Variants in MINDY4B observed in about 807,000 individuals in gnomAD.
MINDY4B encodes the protein inactive ubiquitin carboxyl-terminal hydrolase MINDY-4B.
A neutral mutation model predicts 16.7 loss-of-function variants in MINDY4B; 25 were observed. That is an observed-to-expected ratio of 1.49 (90% CI 1.09 to 2.09). The LOEUF is 2.09. MINDY4B is among the 30% of genes most tolerant of loss of function. The pLI is 0.00. For missense variants in MINDY4B, 327 were observed against 168.4 expected, an observed-to-expected ratio of 1.94 and a Z score of -5.21; for synonymous variants, 132 against 61.9, an observed-to-expected ratio of 2.13 and a Z score of -5.32.
At chr3:150,899,768 G>A (rs1196194030) in intron 3 of MINDY4B, among the ~76,000 whole-genome samples, 3 of 152,142 alleles carry the variant, frequency 2.0e-5, no homozygotes, top group African/African-American at 7.2e-5. Flanking sequence ...AGTCTGAGGT[G>A]CGCTAGAGGA....
Position 150,883,060 on chromosome 3 carries a change from T to A in MINDY4B, c.898-2A>T, listed in dbSNP as rs1711547353. On this transcript the variant is annotated splice_acceptor_variant, in intron 9 of 11. Transcript: ENST00000465419. LOFTEE classifies it high-confidence loss of function. Reference sequence around the variant, plus strand: ...AGTTAAAATCATGTTCAGAACTGCCTAGAGAGCATATTTTACAGATACTTA... The same window carrying A: ...AGTTAAAATCATGTTCAGAACTGCCAAGAGAGCATATTTTACAGATACTTA... 1.4e-6 allele frequency: 1 copy of A among 693,704 alleles called. No homozygotes were observed. The highest frequency in any genetic ancestry group is 1.8e-5 in the African/African-American group (1 of 56,850). 43.0% of individuals were successfully genotyped at this position (693,704 alleles called of 1,614,324 possible). A position where few individuals can be genotyped will look rare whatever the true frequency, so the allele number is the denominator to read the frequency against.
intron 7 of MINDY4B, among the ~76,000 whole-genome samples, chr3:150,886,940 A>G (rs568266889): frequency 1.5e-4 from 23 of 152,308 alleles, no homozygotes; most frequent in South Asian, 1.5e-3. Context: ...GATAAGTTCC[A>G]TTATCCAGTG....
At position 150,883,064 on chromosome 3, in the gene MINDY4B, G is replaced by C; in HGVS notation, c.898-6C>G. On this transcript the variant is annotated splice_polypyrimidine_tract_variant and splice_region_variant and intron_variant, in intron 9 of 11. Coordinates refer to ENST00000465419, the MANE Select transcript of MINDY4B (RefSeq NM_001351281.2). ...AAAATCATGTTCAGAACTGCCTAGA[G>C]AGCATATTTTACAGATACTTATATT... is the stretch of plus-strand genomic sequence containing the variant. 1.4e-6 allele frequency: 1 copy of C among 690,702 alleles called. No homozygotes were observed. Among genetic ancestry groups the C allele is most frequent in the South Asian group, 1.5e-5 (1 of 65,822 alleles). 42.8% of individuals were successfully genotyped at this position (690,702 alleles called of 1,614,324 possible).
intron 8 of MINDY4B, among the ~76,000 whole-genome samples, 192 bp downstream of exon 8, chr3:150,885,176 A>G (rs1258035467): frequency 6.6e-6 from 1 of 152,252 alleles, no homozygotes; most frequent in Non-Finnish European, 1.5e-5. Context: ...TTCAAACTTG[A>G]CTGACGACAT....
At chr3:150,904,910 T>G (rs1194794015) in intron 2 of MINDY4B, among the ~76,000 whole-genome samples, 152 bp downstream of exon 2, 1 of 152,234 alleles carries the variant, frequency 6.6e-6, no homozygotes, top group Non-Finnish European at 1.5e-5. Context: ...AAAAAAATCT[T>G]CGACAGGCTT....
At chr3:150,894,115 G>A in intron 4 of MINDY4B, 71 bp downstream of exon 4, 1 of 588,958 alleles carries the variant, frequency 1.7e-6, no homozygotes, top group Admixed American at 3.1e-5. Context: ...TTACATGGAT[G>A]TGGACAGGAA....
intron 10 of MINDY4B, among the ~76,000 whole-genome samples, chr3:150,873,882 A>G (rs1717026729): frequency 1.3e-5 from 2 of 152,154 alleles, no homozygotes; most frequent in Non-Finnish European, 2.9e-5. Flanking sequence ...TGAGGGAAAC[A>G]CATACACACA....
intron 11 of MINDY4B, among the ~76,000 whole-genome samples, chr3:150,871,843 TCCAA>T (rs142608119): frequency 6.6e-6 from 1 of 152,046 alleles, no homozygotes; most frequent in Non-Finnish European, 1.5e-5. Context: ...AGACTCCATC[TCCAA>T]CCAACCAACC....
Position 150,885,442 on chromosome 3 carries a change from T to C in MINDY4B, c.754-4A>G. 1 of 653,026 alleles carries C rather than the reference T, an allele frequency of 1.5e-6. No homozygotes were observed. The highest frequency in any genetic ancestry group is 2.3e-4 in the Middle Eastern group (1 of 4,256). The allele number at this position is 653,026 out of a possible 1,614,324, so 40.5% of individuals were successfully genotyped here. ...CATGGCTTCCTTCCCCTCTGAACTGTTCGGAAAAGAAAAGAAAAGCATGTT... is the reference window on the plus strand; with the variant it reads ...CATGGCTTCCTTCCCCTCTGAACTGCTCGGAAAAGAAAAGAAAAGCATGTT... On this transcript the variant is annotated splice_region_variant and splice_polypyrimidine_tract_variant and intron_variant, in intron 7 of 11. Transcript: ENST00000465419.
chr3:150,899,064 ACT>A (rs1286289224), intron 3 of MINDY4B, among the ~76,000 whole-genome samples: 4 of 152,080 alleles, frequency 2.6e-5, no homozygotes, highest in Non-Finnish European at 5.9e-5. Context: ...AGAGTAGTAG[ACT>A]CTTGGTTCTA....
intron 3 of MINDY4B, among the ~76,000 whole-genome samples, chr3:150,902,495 C>T (rs746201217): frequency 2.6e-5 from 4 of 152,230 alleles, no homozygotes; most frequent in Non-Finnish European, 5.9e-5. Flanking sequence ...TTTACCTTGG[C>T]TTGACCCTTG....
At chr3:150,875,925 G>A (rs1196634507) in intron 10 of MINDY4B, among the ~76,000 whole-genome samples, 1 of 152,142 alleles carries the variant, frequency 6.6e-6, no homozygotes, top group Non-Finnish European at 1.5e-5. Flanking sequence ...TTTCTTCTTG[G>A]CACACCATAT....
intron 7 of MINDY4B, among the ~76,000 whole-genome samples, chr3:150,887,720 T>C (rs1177566815): frequency 6.6e-6 from 1 of 152,180 alleles, no homozygotes; most frequent in African/African-American, 2.4e-5. Flanking sequence ...TTTCCTGGGG[T>C]TGCCATAAAA....
intron 3 of MINDY4B, among the ~76,000 whole-genome samples, chr3:150,902,420 T>G (rs1345166721): frequency 1.3e-5 from 2 of 152,212 alleles, no homozygotes; most frequent in Middle Eastern, 3.2e-3. Context: ...CGAGTTTCAT[T>G]ATGATTTCAA....
chr3:150,892,627 CATCATACCTT>C lies in MINDY4B; in HGVS notation c.521+687_521+696del, dbSNP rs1481736975. Among the ~76,000 whole-genome samples the C allele has an allele frequency of 2.6e-5, 4 of 152,124 alleles. No individual in the cohort carries two copies. The South Asian group carries it at 8.3e-4, about 32-fold the overall frequency. The stretch of plus-strand genomic sequence containing the variant: ...TCTTTAAAAATAGGCAAAAACCAAA[CATCATACCTT>C]ATCAGCCTGGTTAAATAGGAGGATT... On this transcript the variant is annotated intron_variant, in intron 5 of 11. Coordinates refer to ENST00000465419, the MANE Select transcript of MINDY4B (RefSeq NM_001351281.2).
intron 7 of MINDY4B, 115 bp from the exon 8 acceptor site, chr3:150,885,553 G>A (rs1371925676): frequency 4.5e-5 from 30 of 661,092 alleles, no homozygotes; most frequent in Admixed American, 4.6e-5. Flanking sequence ...CCTGGCTGCT[G>A]AAAGGAATGA....
At chr3:150,878,713 G>A (rs1034034474) in intron 10 of MINDY4B, among the ~76,000 whole-genome samples, 6 of 152,176 alleles carry the variant, frequency 3.9e-5, no homozygotes, top group African/African-American at 1.4e-4. Flanking sequence ...AGGCATTTGG[G>A]TGATGGTCCT....
intron 6 of MINDY4B, 49 bp from the exon 7 acceptor site, chr3:150,890,434 C>A: frequency 3.5e-6 from 2 of 570,906 alleles, no homozygotes; most frequent in Non-Finnish European, 3.1e-6. Flanking sequence ...ATGAAAGTTA[C>A]ATCTAAGAGA....
intron 3 of MINDY4B, among the ~76,000 whole-genome samples, chr3:150,900,288 A>C (rs1446903155): frequency 6.6e-6 from 1 of 152,214 alleles, no homozygotes. Context: ...TGCTTTACCC[A>C]ACCTCCACTT....
Sources: allele counts gnomAD v4.1 joint callset (sites outside exome capture counted in the v4.1 genomes callset), GRCh38; gene constraint gnomAD v4.1.1; transcripts MANE v1.5; gene names NCBI Gene and HGNC (gene_info 2026-07-23, HGNC 2026-07-21).